The following THEMIS variants were observed in gnomAD, a reference collection of about 807,000 sequenced individuals.
The protein encoded by THEMIS is thymocyte selection associated, also known as protein THEMIS.
THEMIS carries 37 observed loss-of-function variants against 52.6 expected under a neutral mutation model. That is an observed-to-expected ratio of 0.70 (90% CI 0.54 to 0.93). The LOEUF (loss-of-function observed/expected upper bound fraction) is 0.93, where lower values mean the gene tolerates loss of function less well. THEMIS is among the 40% of genes least tolerant of loss of function. The probability of loss-of-function intolerance (pLI) is 0.00; values close to 1 mark genes in which losing one functional copy is unlikely to be tolerated. For synonymous variants in THEMIS, 292 were observed against 272.7 expected, an observed-to-expected ratio of 1.07 and a Z score of -0.70; for missense variants, 808 against 763.1, an observed-to-expected ratio of 1.06 and a Z score of -0.69.
At chr6:127,897,413 A>G (rs1042358623) in intron 1 of THEMIS, among the ~76,000 whole-genome samples, 1 of 151,486 alleles carries the variant, frequency 6.6e-6, no homozygotes, top group African/African-American at 2.4e-5. Flanking sequence ...TATCCCAAAT[A>G]TATATATACA....
chr6:127,913,473 C>A (rs1314877124), intron 1 of THEMIS, among the ~76,000 whole-genome samples: 1 of 151,608 alleles, frequency 6.6e-6, no homozygotes, highest in South Asian at 2.1e-4. Flanking sequence ...GAAATGTTTT[C>A]AAAAAAAACA....
At chr6:127,904,268 G>A (rs1276456802), upstream of THEMIS, among the ~76,000 whole-genome samples, 1 of 152,026 alleles carries the variant, frequency 6.6e-6, no homozygotes, top group Non-Finnish European at 1.5e-5. Context: ...GATTGTATGA[G>A]ACACAAACAA....
rs141077821 is a variant in THEMIS, at chr6:127,869,310, C to T, written c.92-14122G>A. Among the ~76,000 whole-genome samples, 753 of 152,266 alleles carry T rather than the reference C, an allele frequency of 4.9e-3. 5 individuals are homozygous for T. The highest frequency in any genetic ancestry group is 0.037 in the Middle Eastern group (11 of 294). Reference sequence around the variant, plus strand: ...TAAACTACCTTAGACATGCTCAGAACGCGTAAAGCACCCCACAGCTGGGTA... The same window carrying T: ...TAAACTACCTTAGACATGCTCAGAATGCGTAAAGCACCCCACAGCTGGGTA... On this transcript the variant is annotated intron_variant, in intron 1 of 5. Coordinates refer to ENST00000368248, the MANE Select transcript of THEMIS (RefSeq NM_001010923.3).
In THEMIS at chr6:127,709,337, G is replaced by T. The variant is rs1334497390; in HGVS notation, c.*648C>A. 1 of 152,008 alleles carries T rather than the reference G, an allele frequency of 6.6e-6. No individual in the cohort carries two copies. The highest frequency in any genetic ancestry group is 1.5e-5 in the Non-Finnish European group (1 of 67,956). The allele number at this position is 152,008 out of a possible 1,614,324, so 9.4% of individuals were successfully genotyped here. A position where few individuals can be genotyped will look rare whatever the true frequency, so the allele number is the denominator to read the frequency against. On this transcript the variant is annotated 3_prime_UTR_variant, in exon 6 of 6. Coordinates refer to ENST00000368248, the MANE Select transcript of THEMIS (RefSeq NM_001010923.3). ...CTGGTGAAATTTCAGTCATGAGCTT[G>T]TTGTTGGGTCATAGAAGAGAAGGTT...
rs907438659 is a variant in THEMIS at position 127,719,628 on chromosome 6, C to A, written c.1894+60G>T. On this transcript the variant is annotated intron_variant, in intron 5 of 5. Coordinates refer to ENST00000368248, the MANE Select transcript of THEMIS (RefSeq NM_001010923.3). ...TAATAGTAAGAATCTGTCCATTGCACCTTTGTCATGTGGACAGTTAAACCA... is the reference window on the plus strand; with the variant it reads ...TAATAGTAAGAATCTGTCCATTGCAACTTTGTCATGTGGACAGTTAAACCA... The A allele has an allele frequency of 3.4e-6, 5 of 1,482,558 alleles. No homozygotes were observed. In the African/African-American group the frequency reaches 5.7e-5, roughly 17 times the overall value. 91.8% of individuals were successfully genotyped at this position (1,482,558 alleles called of 1,614,324 possible). A position where few individuals can be genotyped will look rare whatever the true frequency, so the allele number is the denominator to read the frequency against.
intron 1 of THEMIS, among the ~76,000 whole-genome samples, chr6:127,858,346 C>A (rs1779685783): frequency 6.6e-6 from 1 of 152,018 alleles, no homozygotes; most frequent in Non-Finnish European, 1.5e-5. Context: ...TTTGTAATTT[C>A]TCTTTAATAT....
chr6:127,809,771 T>C (rs1479468382), intron 4 of THEMIS, among the ~76,000 whole-genome samples: 1 of 151,456 alleles, frequency 6.6e-6, no homozygotes. Context: ...GTGTTGAAGA[T>C]GTCATAATGG....
intron 4 of THEMIS, among the ~76,000 whole-genome samples, chr6:127,790,717 C>A (rs1777127421): frequency 6.6e-6 from 1 of 152,182 alleles, no homozygotes; most frequent in Non-Finnish European, 1.5e-5. Flanking sequence ...GCGTGACAAA[C>A]CTGGATCCCA....
rs545194223 is a variant in THEMIS at position 127,708,792 on chromosome 6, C to T, written c.*1193G>A. On this transcript the variant is annotated 3_prime_UTR_variant, in exon 6 of 6. Coordinates refer to ENST00000368248, the MANE Select transcript of THEMIS (RefSeq NM_001010923.3). ...AATCAGAATATAAACATTGAAAAAA[C>T]TCTAATTTTTTTTGTTCTAAAGTTG... The T allele has an allele frequency of 5.9e-4, 89 of 152,020 alleles. No homozygotes were observed. The highest frequency in any genetic ancestry group is 3.4e-3 in the Middle Eastern group (1 of 294). The allele number at this position is 152,020 out of a possible 1,614,324, so 9.4% of individuals were successfully genotyped here.
intron 4 of THEMIS, among the ~76,000 whole-genome samples, chr6:127,724,346 G>A (rs988345051): frequency 6.6e-6 from 1 of 152,102 alleles, no homozygotes; most frequent in Admixed American, 6.6e-5. Flanking sequence ...GAGAAAGTGA[G>A]AATTGAGAAC....
intron 1 of THEMIS, among the ~76,000 whole-genome samples, chr6:127,859,238 A>G (rs576305458): frequency 5.9e-5 from 9 of 152,080 alleles, no homozygotes; most frequent in Non-Finnish European, 1.3e-4. Flanking sequence ...GTCAAAGTCC[A>G]ACCAATTCCA....
At chr6:127,700,581 T>C in the THEMIS span, among the ~76,000 whole-genome samples, 12 of 151,946 alleles carry the variant, frequency 7.9e-5, no homozygotes, top group African/African-American at 2.9e-4. Context: ...CTGAAGAAAA[T>C]GTACTTCTTA....
intron 1 of THEMIS, among the ~76,000 whole-genome samples, chr6:127,889,538 A>G (rs1201144589): frequency 3.7e-4 from 57 of 152,236 alleles, no homozygotes; most frequent in Non-Finnish European, 8.8e-5. Context: ...AAAGAGTATT[A>G]CAAGATATGA....
chr6:127,699,849 T>G, the THEMIS span, among the ~76,000 whole-genome samples: 1 of 151,876 alleles, frequency 6.6e-6, no homozygotes, highest in Non-Finnish European at 1.5e-5. Context: ...ATGTAAAATC[T>G]AAAAATTTTA....
chr6:127,746,721 ATAT>A (rs1214594363), intron 4 of THEMIS, among the ~76,000 whole-genome samples: 1 of 105,470 alleles, frequency 9.5e-6, no homozygotes, highest in East Asian at 2.5e-4. Context: ...CTATAATTAT[ATAT>A]TATTATATAA....
intron 4 of THEMIS, among the ~76,000 whole-genome samples, chr6:127,730,898 C>T (rs558015277): frequency 6.6e-5 from 10 of 152,226 alleles, no homozygotes; most frequent in East Asian, 1.9e-4. Flanking sequence ...CTCACCATTT[C>T]GTAAAATAAA....
At chr6:127,883,456 G>A (rs1296017547) in intron 1 of THEMIS, among the ~76,000 whole-genome samples, 1 of 151,218 alleles carries the variant, frequency 6.6e-6, no homozygotes, top group Non-Finnish European at 1.5e-5. Context: ...ATATACATAT[G>A]AACACTAAAT....
intron 4 of THEMIS, among the ~76,000 whole-genome samples, chr6:127,763,260 T>C (rs1461810198): frequency 6.6e-6 from 1 of 152,022 alleles, no homozygotes; most frequent in Non-Finnish European, 1.5e-5. Flanking sequence ...ATTAAAATAG[T>C]CTTGATCCTC....
rs573519046 is a variant in THEMIS at position 127,840,250 on chromosome 6, C to A, written c.251-10316G>T. Among the ~76,000 whole-genome samples, 752 of 152,122 alleles carry A rather than the reference C, an allele frequency of 4.9e-3. 6 individuals are homozygous for A. Among genetic ancestry groups the A allele is most frequent in the African/African-American group, 0.017 (722 of 41,520 alleles). ...TGTTAGTTTAAAAGGCTGTTCATCA[C>A]AGTACAAATTGTATAAATGGCCATG... is the stretch of plus-strand genomic sequence containing the variant. On this transcript the variant is annotated intron_variant, in intron 2 of 5. Transcript: ENST00000368248.
Sources: allele counts gnomAD v4.1 joint callset (sites outside exome capture counted in the v4.1 genomes callset), GRCh38; gene constraint gnomAD v4.1.1; transcripts MANE v1.5; gene names NCBI Gene and HGNC (gene_info 2026-07-23, HGNC 2026-07-21).